Variants in TAF11 observed in about 807,000 individuals in gnomAD.
TAF11 encodes the protein transcription initiation factor TFIID subunit 11.
Under a neutral mutation model 23.0 loss-of-function variants are expected in TAF11, and 10 were observed. The ratio of observed to expected loss-of-function variants is 0.43; its 90% CI spans 0.27 to 0.74. TAF11 has a LOEUF of 0.74. TAF11 is among the 30% of genes least tolerant of loss of function. The probability of loss-of-function intolerance (pLI) is 0.19; values close to 1 mark genes in which losing one functional copy is unlikely to be tolerated. For missense variants in TAF11, 196 were observed against 261.7 expected (o/e 0.75, Z 1.73); for synonymous variants, 85 against 95.8 (o/e 0.89, Z 0.66).
chr6:34,887,144 A>G (rs997617512), intron 1 of TAF11, among the ~76,000 whole-genome samples: 15 of 152,018 alleles, frequency 9.9e-5, no homozygotes, highest in African/African-American at 3.4e-4. Context: ...TCTACTAAAA[A>G]TACAAAAATT....
At chr6:34,887,685 C>G in intron 1 of TAF11, 102 bp downstream of exon 1, 1 of 1,410,006 alleles carries the variant, frequency 7.1e-7, no homozygotes, top group African/African-American at 1.4e-5. Context: ...CTGGTGAGTT[C>G]GAGTTCTCGT....
At chr6:34,881,172 A>G (rs1766417268) in intron 2 of TAF11, among the ~76,000 whole-genome samples, 1 of 152,248 alleles carries the variant, frequency 6.6e-6, no homozygotes, top group Admixed American at 6.5e-5. Flanking sequence ...GATCCTCATC[A>G]TAATGTCAAA....
At position 34,878,639 on chromosome 6, in the gene TAF11, G is replaced by C; in HGVS notation, c.587C>G (p.Ser196Ter). ...HMREAVRRLK[S>*]KGQIPNSKHK... ...CTTCGAGTTAGGGATCTGTCCTTTT[G>C]ACTTTAACCTTCTAACGGCTTCCCT... The change falls in exon 5 of 5, where the codon TCA (serine) becomes TGA (stop). Residue 196 changes from serine (S) to a stop codon, truncating the protein, a stop_gained. Coordinates refer to ENST00000361288, the MANE Select transcript of TAF11 (RefSeq NM_005643.4). LOFTEE classifies it high-confidence loss of function. 3.1e-6 allele frequency: 5 copies of C among 1,613,732 alleles called. No individual in the cohort carries two copies. The highest frequency in any genetic ancestry group is 4.2e-6 in the Non-Finnish European group (5 of 1,179,698).
At chr6:34,887,289 A>G (rs968621645) in intron 1 of TAF11, among the ~76,000 whole-genome samples, 5 of 152,116 alleles carry the variant, frequency 3.3e-5, no homozygotes, top group Non-Finnish European at 5.9e-5. Flanking sequence ...GGCGACTCTC[A>G]GGTTAAATCG....
At chr6:34,879,850 A>G in intron 4 of TAF11, 117 bp downstream of exon 4, 1 of 1,462,604 alleles carries the variant, frequency 6.8e-7, no homozygotes, top group South Asian at 1.4e-5. Context: ...CCACTTGGTC[A>G]ACTTCAAGTG....
chr6:34,880,551 A>G lies in TAF11; in HGVS notation c.321-175T>C, dbSNP rs1190886528. ...ACTTCTACTCCAAAGGAATTTGAGAAAACGTAAAACAAAAACTTCTTTTCT... is the reference window on the plus strand; with the variant it reads ...ACTTCTACTCCAAAGGAATTTGAGAGAACGTAAAACAAAAACTTCTTTTCT... On this transcript the variant is annotated intron_variant, in intron 2 of 4. Coordinates refer to ENST00000361288, the MANE Select transcript of TAF11 (RefSeq NM_005643.4). This position sits in a 1 kb window ranked among gnomAD's most constrained non-coding sequence, Gnocchi z 4.8. Among the ~76,000 whole-genome samples, 1 of 152,232 alleles carries G rather than the reference A, an allele frequency of 6.6e-6. No individual in the cohort carries two copies. The highest frequency in any genetic ancestry group is 1.5e-5 in the Non-Finnish European group (1 of 68,038).
intron 4 of TAF11, chr6:34,879,373 T>G: frequency 1.0e-6 from 1 of 964,524 alleles, no homozygotes; most frequent in Non-Finnish European, 1.2e-6. Flanking sequence ...TATACCATCT[T>G]AATTTGTGAT....
chr6:34,881,344 A>G (rs2127432082), intron 2 of TAF11, among the ~76,000 whole-genome samples: 1 of 152,356 alleles, frequency 6.6e-6, no homozygotes, highest in Admixed American at 6.5e-5. Flanking sequence ...AACTTTGAAA[A>G]GGTACATACC....
At chr6:34,878,868 T>A in intron 4 of TAF11, 148 bp from the exon 5 acceptor site, 1 of 665,714 alleles carries the variant, frequency 1.5e-6, no homozygotes, top group Non-Finnish European at 2.6e-6. Flanking sequence ...AATATTAGTA[T>A]AACGTCTCAT....
chr6:34,881,650 T>G (rs1037680988), intron 2 of TAF11, among the ~76,000 whole-genome samples: 1 of 152,176 alleles, frequency 6.6e-6, no homozygotes, highest in Non-Finnish European at 1.5e-5. Context: ...ATCTTGAAAC[T>G]TATAAGCAGG....
At chr6:34,882,715 A>T (rs1303632062) in intron 2 of TAF11, among the ~76,000 whole-genome samples, 1 of 152,140 alleles carries the variant, frequency 6.6e-6, no homozygotes, top group Non-Finnish European at 1.5e-5. Flanking sequence ...TATGTTGCCC[A>T]GGCTGGTCTC....
upstream of TAF11, chr6:34,888,044 C>A: frequency 6.4e-7 from 1 of 1,559,266 alleles, no homozygotes; most frequent in Non-Finnish European, 8.6e-7. Flanking sequence ...CAGGATCTTA[C>A]TTCCTGTCGT....
At chr6:34,882,334 G>A (rs1236625132) in intron 2 of TAF11, among the ~76,000 whole-genome samples, 1 of 137,170 alleles carries the variant, frequency 7.3e-6, no homozygotes, top group African/African-American at 2.8e-5. Flanking sequence ...GCGAAACTCT[G>A]TCTCAAAAAA....
chr6:34,881,193 C>G, intron 2 of TAF11, among the ~76,000 whole-genome samples: 1 of 152,024 alleles, frequency 6.6e-6, no homozygotes, highest in Non-Finnish European at 1.5e-5. Context: ...AGTAAAAATA[C>G]CCAACCAGAA....
At chr6:34,882,007 T>C (rs769710541) in intron 2 of TAF11, among the ~76,000 whole-genome samples, 41 of 151,536 alleles carry the variant, frequency 2.7e-4, no homozygotes, top group Non-Finnish European at 2.5e-4. Flanking sequence ...CTTCTTTTTA[T>C]CTATTTATAT....
At chr6:34,885,776 A>C (rs944388606) in intron 1 of TAF11, among the ~76,000 whole-genome samples, 1 of 151,578 alleles carries the variant, frequency 6.6e-6, no homozygotes, top group Non-Finnish European at 1.5e-5. Context: ...CGAGTTGGAG[A>C]CCAGACTGGG....
In TAF11 at chr6:34,883,000, C is replaced by A; in HGVS notation, c.252G>T (p.Leu84=). Residue 84 remains leucine (L), a synonymous_variant, in exon 2 of 5, where the codon CTG becomes CTT. Transcript: ENST00000361288. Reference sequence around the variant, plus strand: ...CTTTCTTTTCTTTGGTATCTATTTTCAGTTTTTTGGCTGCAGGATTAAGTA... The same window carrying A: ...CTTTCTTTTCTTTGGTATCTATTTTAAGTTTTTTGGCTGCAGGATTAAGTA... The part of the protein sequence containing the change: ...SSLLNPAAKK[L]KIDTKEKKEK... 6.2e-7 allele frequency: 1 copy of A among 1,611,682 alleles called. No individual in the cohort carries two copies. Among genetic ancestry groups the A allele is most frequent in the Non-Finnish European group, 8.5e-7 (1 of 1,179,320 alleles).
At position 34,880,321 on chromosome 6, in the gene TAF11, G is replaced by A. The variant is rs768736869; in HGVS notation, c.376C>T (p.Arg126Cys). The change falls in exon 3 of 5, where the codon CGC (arginine) becomes TGC (cysteine). Residue 126 changes from arginine to cysteine, a missense_variant. By Grantham distance (180) the Arg-to-Cys change is radical. Transcript: ENST00000361288. The surrounding 1 kb of genome is among the most constrained non-coding windows in gnomAD (Gnocchi z 4.8). ...ATGGCTGCCTTAGGGAAAGCTGAGCGGCGATACATTTCATAACGGTTCAGC... is the reference window on the plus strand; with the variant it reads ...ATGGCTGCCTTAGGGAAAGCTGAGCAGCGATACATTTCATAACGGTTCAGC... ...EQLNRYEMYRRSAFPKAAIKR... is the reference protein window; with the variant it reads ...EQLNRYEMYRCSAFPKAAIKR... 4 of 1,614,060 alleles carry A rather than the reference G, an allele frequency of 2.5e-6. No individual in the cohort carries two copies. Among genetic ancestry groups the A allele is most frequent in the East Asian group, 2.2e-5 (1 of 44,886 alleles).
chr6:34,886,884 G>GT (rs1766536907), intron 1 of TAF11, among the ~76,000 whole-genome samples: 1 of 152,150 alleles, frequency 6.6e-6, no homozygotes, highest in Non-Finnish European at 1.5e-5. Context: ...CCTTCTAGCT[G>GT]TAAGACCCCA....
Sources: gnomAD v4.1 joint callset for allele counts (sites outside exome capture counted in the v4.1 genomes callset) on GRCh38, gnomAD v4.1.1 for gene constraint, Gnocchi (gnomAD v3.1) non-coding constraint, MANE v1.5 for transcripts, NCBI Gene and HGNC (gene_info 2026-07-23, HGNC 2026-07-21) for gene names.